The following MAGI2 variants were observed in gnomAD, a reference collection of about 807,000 sequenced individuals.
The protein encoded by MAGI2 is membrane-associated guanylate kinase, WW and PDZ domain-containing protein 2.
A neutral mutation model predicts 133.3 loss-of-function variants in MAGI2; 35 were observed. The ratio of observed to expected loss-of-function variants is 0.26; its 90% CI spans 0.20 to 0.35. The LOEUF (loss-of-function observed/expected upper bound fraction) is 0.35. MAGI2 is among the 10% of genes least tolerant of loss of function. MAGI2 has a pLI of 1.00. For synonymous variants in MAGI2, 729 were observed against 710.6 expected (o/e 1.03, Z -0.41); for missense variants, 1,636 against 1,863.4 (o/e 0.88, Z 2.25).
chr7:78,684,788 G>A (rs1030860352), intron 2 of MAGI2, among the ~76,000 whole-genome samples: 4 of 151,830 alleles, frequency 2.6e-5, no homozygotes, highest in Non-Finnish European at 4.4e-5. Flanking sequence ...TGATATCCTC[G>A]GCAAAACTAA....
At chr7:78,514,126 T>C (rs1288070826) in intron 4 of MAGI2, among the ~76,000 whole-genome samples, 1 of 144,794 alleles carries the variant, frequency 6.9e-6, no homozygotes, top group Admixed American at 6.9e-5. Flanking sequence ...ACTAAAGAGG[T>C]TCACATCCAT....
At position 79,356,090 on chromosome 7, in the gene MAGI2, T is replaced by C. The variant is rs555009206; in HGVS notation, c.301+96930A>G. 3.9e-5 allele frequency among the ~76,000 whole-genome samples: 6 copies of C among 152,296 alleles called. No individual in the cohort carries two copies. In the South Asian group the frequency reaches 1.0e-3, roughly 26 times the overall value. On this transcript the variant is annotated intron_variant, in intron 1 of 21. Transcript: ENST00000354212. ...TCTTGCTTAAAGGATATAATTTTGTTTTGTCTACTGTACTTTGACAATAGT... is the reference window on the plus strand; with the variant it reads ...TCTTGCTTAAAGGATATAATTTTGTCTTGTCTACTGTACTTTGACAATAGT...
chr7:78,394,136 C>G (rs1329665422), intron 6 of MAGI2, among the ~76,000 whole-genome samples: 1 of 152,072 alleles, frequency 6.6e-6, no homozygotes, highest in African/African-American at 2.4e-5. Context: ...GGACCCAGCT[C>G]AAGAAGAGAG....
intron 21 of MAGI2, among the ~76,000 whole-genome samples, chr7:78,057,316 C>T (rs571995386): frequency 8.5e-5 from 13 of 152,234 alleles, no homozygotes; most frequent in East Asian, 3.9e-4. Flanking sequence ...GATCTCCACT[C>T]GCTACAACCT....
At chr7:78,791,612 G>T (rs569532337) in intron 2 of MAGI2, among the ~76,000 whole-genome samples, 122 of 151,210 alleles carry the variant, frequency 8.1e-4, no homozygotes, top group African/African-American at 2.9e-3. Flanking sequence ...CATGATCTCG[G>T]CTCACTGCAG....
intron 3 of MAGI2, among the ~76,000 whole-genome samples, chr7:78,534,904 G>A (rs923873675): frequency 3.3e-5 from 5 of 152,188 alleles, no homozygotes; most frequent in African/African-American, 1.2e-4. Context: ...GGAGGCTGAG[G>A]CAGGTGGATC....
At chr7:78,490,326 T>A (rs1416613895) in intron 5 of MAGI2, among the ~76,000 whole-genome samples, 1 of 152,112 alleles carries the variant, frequency 6.6e-6, no homozygotes, top group Non-Finnish European at 1.5e-5. Context: ...TTGGGATTCC[T>A]GCATTTTCTC....
intron 2 of MAGI2, among the ~76,000 whole-genome samples, chr7:78,915,167 C>T (rs1404668829): frequency 6.6e-6 from 1 of 152,100 alleles, no homozygotes; most frequent in Non-Finnish European, 1.5e-5. Flanking sequence ...GAGGATACTA[C>T]TCATGATGGA....
intron 2 of MAGI2, among the ~76,000 whole-genome samples, chr7:78,956,500 T>C (rs1278793013): frequency 6.6e-6 from 1 of 152,088 alleles, no homozygotes; most frequent in Non-Finnish European, 1.5e-5. Flanking sequence ...ATCACAAAAA[T>C]CCTTTTCATA....
At chr7:78,779,689 T>A (rs1296872266) in intron 2 of MAGI2, among the ~76,000 whole-genome samples, 1 of 152,172 alleles carries the variant, frequency 6.6e-6, no homozygotes, top group Non-Finnish European at 1.5e-5. Context: ...TAGATTTTGG[T>A]TGTAGGAGAT....
intron 5 of MAGI2, among the ~76,000 whole-genome samples, chr7:78,493,418 T>A (rs1323324574): frequency 6.6e-6 from 1 of 152,208 alleles, no homozygotes; most frequent in African/African-American, 2.4e-5. Context: ...GATTGTCTAC[T>A]GTGTCAGGGA....
At chr7:78,106,554 T>C (rs1281349792) in intron 20 of MAGI2, among the ~76,000 whole-genome samples, 1 of 152,146 alleles carries the variant, frequency 6.6e-6, no homozygotes, top group Non-Finnish European at 1.5e-5. Context: ...GCCATTTAAC[T>C]GGGGTGAGAT....
chr7:78,575,653 G>A (rs941930782), intron 3 of MAGI2, among the ~76,000 whole-genome samples: 3 of 152,064 alleles, frequency 2.0e-5, no homozygotes, highest in Admixed American at 1.3e-4. Flanking sequence ...GATGAGAATG[G>A]CACTTTATCT....
At chr7:78,276,750 A>T (rs1795101152) in intron 9 of MAGI2, among the ~76,000 whole-genome samples, 1 of 152,172 alleles carries the variant, frequency 6.6e-6, no homozygotes, top group Non-Finnish European at 1.5e-5. Flanking sequence ...CAAGCTAAAG[A>T]TATATTTAAA....
chr7:78,270,939 A>G (rs1402277617), intron 9 of MAGI2, among the ~76,000 whole-genome samples: 1 of 152,078 alleles, frequency 6.6e-6, no homozygotes, highest in Non-Finnish European at 1.5e-5. Context: ...TCTTTTCCTA[A>G]TTGAATACCT....
chr7:79,149,755 A>C (rs113822389), intron 1 of MAGI2, among the ~76,000 whole-genome samples: 8,606 of 152,164 alleles, frequency 0.057, 308 homozygotes, highest in Middle Eastern at 0.088. Flanking sequence ...GCCTCATTTC[A>C]ATTTACAGTA....
intron 1 of MAGI2, among the ~76,000 whole-genome samples, chr7:79,148,843 A>G (rs1822900646): frequency 7.0e-6 from 1 of 143,244 alleles, no homozygotes. Flanking sequence ...ACATATATGT[A>G]TGTTTTATAT....
intron 1 of MAGI2, among the ~76,000 whole-genome samples, chr7:79,183,751 G>A (rs1384403344): frequency 4.0e-5 from 6 of 151,818 alleles, no homozygotes; most frequent in African/African-American, 1.5e-4. Flanking sequence ...TCCATCAGTA[G>A]ATAAATAGAT....
intron 2 of MAGI2, among the ~76,000 whole-genome samples, chr7:78,741,269 T>C (rs756034725): frequency 6.6e-6 from 1 of 151,650 alleles, no homozygotes; most frequent in Non-Finnish European, 1.5e-5. Flanking sequence ...AAGAACGTAA[T>C]GAGAGTGAGG....
Sources: gnomAD v4.1 joint callset for allele counts (sites outside exome capture counted in the v4.1 genomes callset) on GRCh38, gnomAD v4.1.1 for gene constraint, MANE v1.5 for transcripts, NCBI Gene and HGNC (gene_info 2026-07-23, HGNC 2026-07-21) for gene names.